DSCAML1: variants seen among roughly 807,000 people sequenced by gnomAD.
DSCAML1 encodes cell adhesion molecule DSCAML1.
A neutral mutation model predicts 200.5 loss-of-function variants in DSCAML1; 38 were observed. The ratio of observed to expected loss-of-function variants is 0.19; its 90% CI spans 0.15 to 0.25. The LOEUF is 0.25. Ranked by LOEUF, DSCAML1 falls within the 10% of genes least tolerant of loss-of-function variation. DSCAML1 has a pLI of 1.00. For synonymous variants in DSCAML1, 1,215 were observed against 1,165.0 expected, an observed-to-expected ratio of 1.04 and a Z score of -0.87; for missense variants, 2,223 against 2,858.8, an observed-to-expected ratio of 0.78 and a Z score of 5.07.
At chr11:117,599,365 C>T (rs1473786867) in intron 3 of DSCAML1, among the ~76,000 whole-genome samples, 1 of 152,058 alleles carries the variant, frequency 6.6e-6, no homozygotes, top group Non-Finnish European at 1.5e-5. Flanking sequence ...AATGGCTTCT[C>T]CTAATCATAG....
At position 117,725,435 on chromosome 11, in the gene DSCAML1, C is replaced by T. The variant is rs575711321; in HGVS notation, c.511+51356G>A. ...GAGCTTCAACTTCTGCCCTCCGACC[C>T]TCCTGCCCAGACTCTGATTGAGGCT... On this transcript the variant is annotated intron_variant, in intron 3 of 32. Coordinates refer to ENST00000651296, the MANE Select transcript of DSCAML1 (RefSeq NM_020693.4). Among the ~76,000 whole-genome samples the T allele has an allele frequency of 1.6e-4, 24 of 152,336 alleles. No individual in the cohort carries two copies. In the South Asian group the frequency reaches 4.8e-3, roughly 30 times the overall value.
At chr11:117,569,012 C>T (rs1442178347) in intron 3 of DSCAML1, among the ~76,000 whole-genome samples, 4 of 152,002 alleles carry the variant, frequency 2.6e-5, no homozygotes, top group Admixed American at 1.3e-4. Flanking sequence ...GTACTGGTAC[C>T]AAAACAGAGA....
chr11:117,539,549 A>G (rs1255603098), intron 3 of DSCAML1, among the ~76,000 whole-genome samples: 1 of 145,734 alleles, frequency 6.9e-6, no homozygotes, highest in Admixed American at 7.1e-5. Context: ...TGGATGTTGC[A>G]GAGAGCTGAG....
At chr11:117,599,168 T>C (rs557769177) in intron 3 of DSCAML1, among the ~76,000 whole-genome samples, 1 of 152,280 alleles carries the variant, frequency 6.6e-6, no homozygotes, top group Admixed American at 6.5e-5. Context: ...TCTTGTTCCT[T>C]GATTTCTCAG....
chr11:117,460,678 T>G (rs997958550), intron 18 of DSCAML1, among the ~76,000 whole-genome samples: 2 of 152,160 alleles, frequency 1.3e-5, no homozygotes, highest in Non-Finnish European at 2.9e-5. Context: ...CAAACCTGTT[T>G]GCACATTCCA....
Position 117,538,776 on chromosome 11 carries a change from G to C in DSCAML1, c.512-6254C>G, listed in dbSNP as rs561029325. On this transcript the variant is annotated intron_variant, in intron 3 of 32. Transcript: ENST00000651296. The stretch of plus-strand genomic sequence containing the variant: ...CTGCTCTGCTCTCAGGGAGGGGTGA[G>C]GGGGAGTGTGGTGGGGAGAAGGTGA... 6.6e-5 allele frequency among the ~76,000 whole-genome samples: 10 copies of C among 151,752 alleles called. No individual in the cohort carries two copies. In the South Asian group the frequency reaches 2.1e-3, roughly 32 times the overall value.
intron 3 of DSCAML1, among the ~76,000 whole-genome samples, chr11:117,546,702 G>A (rs942230241): frequency 6.6e-6 from 1 of 152,060 alleles, no homozygotes; most frequent in Non-Finnish European, 1.5e-5. Context: ...AGAGGGTGGG[G>A]AGCAGCAGAC....
chr11:117,708,775 C>T (rs577831151), intron 3 of DSCAML1, among the ~76,000 whole-genome samples: 20 of 152,308 alleles, frequency 1.3e-4, no homozygotes, highest in African/African-American at 2.9e-4. Context: ...GATACCATTG[C>T]GTGGACCTAT....
At chr11:117,483,048 G>A (rs954154039) in intron 11 of DSCAML1, among the ~76,000 whole-genome samples, 1 of 152,180 alleles carries the variant, frequency 6.6e-6, no homozygotes, top group African/African-American at 2.4e-5. Flanking sequence ...GCTGGTCATC[G>A]GAAGCCCCCG....
intron 19 of DSCAML1, among the ~76,000 whole-genome samples, chr11:117,454,248 T>C (rs10750106): frequency 0.83 from 126,673 of 151,942 alleles, 53,089 homozygotes; most frequent in Middle Eastern, 0.88. Flanking sequence ...AGATTCCACC[T>C]GAGACCTGCC....
intron 3 of DSCAML1, among the ~76,000 whole-genome samples, chr11:117,558,921 T>C (rs2050607335): frequency 6.6e-6 from 1 of 152,180 alleles, no homozygotes; most frequent in African/African-American, 2.4e-5. Context: ...AATTTTATTA[T>C]TATTATTTTA....
intron 3 of DSCAML1, among the ~76,000 whole-genome samples, chr11:117,614,512 C>CT (rs2051768713): frequency 2.6e-5 from 4 of 152,232 alleles, no homozygotes; most frequent in Admixed American, 1.3e-4. Flanking sequence ...CATTGATTCT[C>CT]TTTTCTCTTC....
chr11:117,752,800 T>C (rs994368947), intron 3 of DSCAML1, among the ~76,000 whole-genome samples: 24 of 152,206 alleles, frequency 1.6e-4, no homozygotes, highest in Admixed American at 1.5e-3. Flanking sequence ...GTGTCAGGGA[T>C]GAGGCTGCAG....
intron 3 of DSCAML1, among the ~76,000 whole-genome samples, chr11:117,682,377 A>G (rs959278319): frequency 1.6e-4 from 25 of 152,060 alleles, no homozygotes; most frequent in African/African-American, 5.8e-4. Context: ...TGAGCCACTC[A>G]TTCCCCTCTG....
At chr11:117,442,719 G>A (rs914293600) in intron 21 of DSCAML1, among the ~76,000 whole-genome samples, 2 of 152,224 alleles carry the variant, frequency 1.3e-5, no homozygotes, top group African/African-American at 4.8e-5. Flanking sequence ...AGTGCTAGCT[G>A]TTCTGGAAGG....
rs1161311309 is a variant in DSCAML1, at chr11:117,797,183, C to T, written c.-104G>A. The stretch of plus-strand genomic sequence containing the variant: ...CTCCCAGCCGCCCGCACTCGGCGCC[C>T]CGCTCTCTCTGCTCCTCAGCCCAGC... On this transcript the variant is annotated 5_prime_UTR_variant, in exon 1 of 33. Transcript: ENST00000651296. 5.7e-6 allele frequency: 9 copies of T among 1,567,782 alleles called. No homozygotes were observed. Among genetic ancestry groups the T allele is most frequent in the Non-Finnish European group, 6.9e-6 (8 of 1,158,788 alleles).
chr11:117,697,903 C>G (rs891694691), intron 3 of DSCAML1, among the ~76,000 whole-genome samples: 4 of 151,950 alleles, frequency 2.6e-5, no homozygotes, highest in African/African-American at 4.8e-5. Context: ...TCCTGAGTAG[C>G]TGGGACTACA....
chr11:117,707,545 T>C (rs543208563), intron 3 of DSCAML1, among the ~76,000 whole-genome samples: 167 of 152,220 alleles, frequency 1.1e-3, no homozygotes, highest in Middle Eastern at 6.8e-3. Flanking sequence ...CTTTTTTTTT[T>C]ATTTTTTGAG....
At chr11:117,507,072 C>T (rs1296486581) in intron 8 of DSCAML1, among the ~76,000 whole-genome samples, 5 of 150,710 alleles carry the variant, frequency 3.3e-5, no homozygotes, top group Admixed American at 2.6e-4. Flanking sequence ...TGAGATGGAT[C>T]CTCCTTTCTC....
Sources: allele counts gnomAD v4.1 joint callset (sites outside exome capture counted in the v4.1 genomes callset), GRCh38; gene constraint gnomAD v4.1.1; transcripts MANE v1.5; gene names NCBI Gene and HGNC (gene_info 2026-07-23, HGNC 2026-07-21).